SCUBE1: variants seen among roughly 807,000 people sequenced by gnomAD.
The protein encoded by SCUBE1 is signal peptide, CUB domain and EGF like domain containing 1.
In SCUBE1, 59 loss-of-function variants were observed where a neutral mutation model predicts 124.4. That is an observed-to-expected ratio of 0.47 (90% CI 0.38 to 0.59). SCUBE1 has a LOEUF of 0.59. Ranked by LOEUF, SCUBE1 falls within the 20% of genes least tolerant of loss-of-function variation. SCUBE1 has a pLI of 0.00. For missense variants in SCUBE1, 1,150 were observed against 1,371.2 expected (o/e 0.84, Z 2.55); for synonymous variants, 545 against 550.9 (o/e 0.99, Z 0.15).
intron 14 of SCUBE1, among the ~76,000 whole-genome samples, chr22:43,220,158 C>T (rs1265707090): frequency 6.6e-6 from 1 of 152,212 alleles, no homozygotes; most frequent in Non-Finnish European, 1.5e-5. Context: ...CCTCCCGGGT[C>T]CCAGCAGGAG....
rs1219675693 is a variant in SCUBE1, at chr22:43,202,265, G to A, written c.*1732C>T. The A allele has an allele frequency of 6.6e-6, 1 of 152,240 alleles. No homozygotes were observed. The highest frequency in any genetic ancestry group is 1.9e-4 in the East Asian group (1 of 5,200). 9.4% of individuals were successfully genotyped at this position (152,240 alleles called of 1,614,324 possible). A position where few individuals can be genotyped will look rare whatever the true frequency, so the allele number is the denominator to read the frequency against. ...ACCTCACTTGGCTGCCTCCATCTGT[G>A]TGGTCCTCAGTGTGCCACAGCCTCT... On this transcript the variant is annotated 3_prime_UTR_variant, in exon 22 of 22. Transcript: ENST00000360835.
Position 43,207,578 on chromosome 22 carries a change from C to T in SCUBE1, c.2770G>A (p.Asp924Asn), listed in dbSNP as rs761091919. The change falls in exon 21 of 22, where the codon GAT (aspartate) becomes AAT (asparagine). Residue 924 changes from aspartate (D) to asparagine (N), a missense_variant. By Grantham distance (23) the Asp-to-Asn change is conservative. This residue lies in a region of SCUBE1 where 757 missense variants were observed against 840.9 expected (regional missense o/e 0.90). Coordinates refer to ENST00000360835, the MANE Select transcript of SCUBE1 (RefSeq NM_173050.5). ...YQQLIEDIVR[D>N]GRLYASENHQ... ...TTCTCCGAGGCGTACAGGCGCCCAT[C>T]GCGCACGATGTCCTCTATGAGTTGC... The T allele has an allele frequency of 1.9e-6, 3 of 1,614,108 alleles. No homozygotes were observed. Among genetic ancestry groups the T allele is most frequent in the Non-Finnish European group, 2.5e-6 (3 of 1,179,996 alleles).
At chr22:43,235,346 T>C (rs916257) in intron 7 of SCUBE1, among the ~76,000 whole-genome samples, 50,211 of 150,184 alleles carry the variant, frequency 0.33, 8,734 homozygotes, top group Middle Eastern at 0.45. Context: ...CCATCTCACG[T>C]GGGGGACCAT....
chr22:43,217,472 G>A (rs891363991), intron 15 of SCUBE1, among the ~76,000 whole-genome samples: 8 of 151,872 alleles, frequency 5.3e-5, no homozygotes, highest in Non-Finnish European at 7.4e-5. Flanking sequence ...CTCTCCCTAG[G>A]AGCCCCCTCC....
At chr22:43,266,609 A>G (rs1924076875) in intron 4 of SCUBE1, among the ~76,000 whole-genome samples, 1 of 152,202 alleles carries the variant, frequency 6.6e-6, no homozygotes, top group South Asian at 2.1e-4. Flanking sequence ...CAGCACATAC[A>G]GCAGGGCTGG....
At chr22:43,222,211 C>G (rs967583350) in intron 12 of SCUBE1, among the ~76,000 whole-genome samples, 4 of 152,240 alleles carry the variant, frequency 2.6e-5, no homozygotes, top group Admixed American at 6.5e-5. Context: ...GCCGACCAAG[C>G]CCAGCGGGTC....
At chr22:43,205,252 A>G (rs945058067) in intron 21 of SCUBE1, among the ~76,000 whole-genome samples, 7 of 152,112 alleles carry the variant, frequency 4.6e-5, no homozygotes, top group African/African-American at 1.7e-4. Flanking sequence ...TGCTGCAGGG[A>G]TCTAGGCAGC....
intron 4 of SCUBE1, 141 bp from the exon 5 acceptor site, chr22:43,262,986 TGC>T: frequency 1.2e-6 from 1 of 848,062 alleles, no homozygotes; most frequent in Non-Finnish European, 1.8e-6. Context: ...CACACGCACT[TGC>T]GCACACACAC....
intron 2 of SCUBE1, among the ~76,000 whole-genome samples, chr22:43,336,591 C>T (rs1424049484): frequency 6.6e-6 from 1 of 152,180 alleles, no homozygotes; most frequent in Non-Finnish European, 1.5e-5. Context: ...TATGGTGGCC[C>T]TTACAGCAAG....
intron 3 of SCUBE1, among the ~76,000 whole-genome samples, chr22:43,294,578 C>T (rs1925489149): frequency 6.6e-6 from 1 of 152,216 alleles, no homozygotes; most frequent in Admixed American, 6.5e-5. Context: ...AAAGGGGAAC[C>T]CACACCTGGG....
chr22:43,251,245 C>A (rs1923435415), intron 6 of SCUBE1, among the ~76,000 whole-genome samples: 1 of 152,190 alleles, frequency 6.6e-6, no homozygotes, highest in African/African-American at 2.4e-5. Context: ...GGGGTGCATC[C>A]CACATCTTCA....
chr22:43,255,393 G>A lies in SCUBE1; in HGVS notation c.727+2826C>T, dbSNP rs1319840334. 8.5e-6 allele frequency: 9 copies of A among 1,057,084 alleles called. No individual in the cohort carries two copies. Among genetic ancestry groups the A allele is most frequent in the Admixed American group, 6.0e-5 (3 of 49,910 alleles). 65.5% of individuals were successfully genotyped at this position (1,057,084 alleles called of 1,614,324 possible). A position where few individuals can be genotyped will look rare whatever the true frequency, so the allele number is the denominator to read the frequency against. On this transcript the variant is annotated intron_variant, in intron 6 of 21. Coordinates refer to ENST00000360835, the MANE Select transcript of SCUBE1 (RefSeq NM_173050.5). The surrounding 1 kb of genome is among the most constrained non-coding windows in gnomAD (Gnocchi z 4.7). ...TCACACCCACACACAGCACACACAC[G>A]CCCATGTCCACATGCCAGTGCGCAC...
At chr22:43,301,288 G>A (rs1925761840) in intron 3 of SCUBE1, among the ~76,000 whole-genome samples, 1 of 151,996 alleles carries the variant, frequency 6.6e-6, no homozygotes, top group African/African-American at 2.4e-5. Flanking sequence ...CATCCCTCAT[G>A]GACCTCATGC....
chr22:43,296,720 C>A (rs1263974845), intron 3 of SCUBE1, among the ~76,000 whole-genome samples: 1 of 152,226 alleles, frequency 6.6e-6, no homozygotes, highest in East Asian at 1.9e-4. Flanking sequence ...ACAACTGTAT[C>A]TGTGATTGTG....
chr22:43,325,827 C>T (rs2146790853), intron 2 of SCUBE1, among the ~76,000 whole-genome samples: 1 of 152,232 alleles, frequency 6.6e-6, no homozygotes, highest in East Asian at 1.9e-4. Context: ...TGAAAGGTCA[C>T]CCAGCTCCGC....
chr22:43,249,638 G>T (rs533726340), intron 6 of SCUBE1, among the ~76,000 whole-genome samples: 7 of 152,224 alleles, frequency 4.6e-5, no homozygotes, highest in Non-Finnish European at 8.8e-5. Flanking sequence ...GCTCCTTTGA[G>T]CCTGGCAGGG....
chr22:43,280,857 C>T (rs1252677970), intron 4 of SCUBE1, among the ~76,000 whole-genome samples: 2 of 48,988 alleles, frequency 4.1e-5, no homozygotes, highest in East Asian at 7.8e-4. Flanking sequence ...CCTCCTGTCA[C>T]CTCCTCCTCA....
chr22:43,231,629 C>G, intron 8 of SCUBE1, 124 bp downstream of exon 8: 1 of 1,209,898 alleles, frequency 8.3e-7, no homozygotes, highest in Non-Finnish European at 1.1e-6. Context: ...TAAAGGACCC[C>G]ATTCCCTCGG....
At chr22:43,212,772 C>G (rs1921626576) in intron 16 of SCUBE1, 180 bp from the exon 17 acceptor site, 2 of 634,208 alleles carry the variant, frequency 3.2e-6, no homozygotes, top group East Asian at 5.7e-5. Flanking sequence ...AAGCTGGGCC[C>G]TGGTCCGGAT....
Sources: allele counts gnomAD v4.1 joint callset (sites outside exome capture counted in the v4.1 genomes callset), GRCh38; gene constraint gnomAD v4.1.1; regional missense constraint gnomAD v4.1.1; non-coding constraint Gnocchi (gnomAD v3.1); transcripts MANE v1.5; gene names NCBI Gene and HGNC (gene_info 2026-07-23, HGNC 2026-07-21).